Variants in TIGD5 observed in about 807,000 individuals in gnomAD.
TIGD5 encodes the protein tigger transposable element-derived protein 5.
TIGD5 carries 24 observed loss-of-function variants against 28.8 expected under a neutral mutation model. That is an observed-to-expected ratio of 0.83 (90% confidence interval 0.60 to 1.17). The LOEUF (loss-of-function observed/expected upper bound fraction) is 1.17. Ranked by LOEUF, TIGD5 falls within the 50% of genes most tolerant of loss-of-function variation. The pLI is 0.00. For missense variants in TIGD5, 922 were observed against 911.4 expected (o/e 1.01, Z -0.15); for synonymous variants, 538 against 430.5 (o/e 1.25, Z -3.09).
chr8:143,598,986 C>G lies in TIGD5; in HGVS notation c.1083C>G (p.Pro361=). 1 of 1,574,170 alleles carries G rather than the reference C, an allele frequency of 6.4e-7. No individual in the cohort carries two copies. Among genetic ancestry groups the G allele is most frequent in the Non-Finnish European group, 8.6e-7 (1 of 1,167,608 alleles). The change falls in exon 1 of 1, where the codon CCC becomes CCG. Residue 361 remains proline, a synonymous_variant. Transcript: ENST00000504548. This position sits in a 1 kb window ranked among gnomAD's most constrained non-coding sequence, Gnocchi z 6.6. ...CCGTGCTGCTGGTGGCCCACCCGCC[C>G]TGCCCAAGCCCAGCTGCCAGTATGC... ...QKAVLLVAHP[P]CPSPAASMPA...
chr8:143,598,686 C>T lies in TIGD5; in HGVS notation c.783C>T (p.Pro261=). The T allele has an allele frequency of 6.7e-7, 1 of 1,500,850 alleles. No individual in the cohort carries two copies. The highest frequency in any genetic ancestry group is 8.8e-7 in the Non-Finnish European group (1 of 1,135,706). 93.0% of individuals were successfully genotyped at this position (1,500,850 alleles called of 1,614,324 possible). A position where few individuals can be genotyped will look rare whatever the true frequency, so the allele number is the denominator to read the frequency against. ...CTGCGCCCCCGGGCGCAGGGGACCC[C>T]GGGGCGGGGGGCTGTGGCCGGCGCT... The part of the protein sequence containing the change: ...EQAAPPGAGD[P]GAGGCGRRWR... The change falls in exon 1 of 1, where the codon CCC becomes CCT. Residue 261 remains proline (P), a synonymous_variant. Transcript: ENST00000504548. This position sits in a 1 kb window ranked among gnomAD's most constrained non-coding sequence, Gnocchi z 6.6.
Position 143,599,332 on chromosome 8 carries a change from T to G in TIGD5, c.1429T>G (p.Trp477Gly). 1 of 1,597,262 alleles carries G rather than the reference T, an allele frequency of 6.3e-7. No individual in the cohort carries two copies. The highest frequency in any genetic ancestry group is 8.5e-7 in the Non-Finnish European group (1 of 1,172,988). ...GCAGGCGGGCAGCATTGAGCGCTGC[T>G]GGCTGCTGGGCCTGCGGGCTGCCTT... ...LVQAGSIERC[W>G]LLGLRAAFEP... The change falls in exon 1 of 1, where the codon TGG (tryptophan) becomes GGG (glycine). Residue 477 changes from tryptophan to glycine, a missense_variant. Trp to Gly is a radical substitution (Grantham distance 184). Transcript: ENST00000504548.
chr8:143,597,889 C>T lies in TIGD5; in HGVS notation c.-15C>T, dbSNP rs1002290547. ...TCCCGCGACCCGCGCGGCCCGGGTC[C>T]CCCCCGCCGCAGCCATGTACCCCGC... On this transcript the variant is annotated 5_prime_UTR_variant, in exon 1 of 1. Transcript: ENST00000504548. 1 of 832,592 alleles carries T rather than the reference C, an allele frequency of 1.2e-6. No homozygotes were observed. The highest frequency in any genetic ancestry group is 1.4e-6 in the Non-Finnish European group (1 of 693,098). 51.6% of individuals were successfully genotyped at this position (832,592 alleles called of 1,614,324 possible). A position where few individuals can be genotyped will look rare whatever the true frequency, so the allele number is the denominator to read the frequency against.
chr8:143,599,138 A>G lies in TIGD5; in HGVS notation c.1235A>G (p.His412Arg), dbSNP rs1217318161. ...LFLSKGSSRAHIPAPLEQGVV... is the reference protein window; with the variant it reads ...LFLSKGSSRARIPAPLEQGVV... ...CTGTCCAAAGGCAGCAGCCGGGCAC[A>G]TATCCCCGCACCGCTGGAGCAGGGC... The change falls in exon 1 of 1, where the codon CAT becomes CGT. Residue 412 changes from histidine (H) to arginine (R), a missense_variant. His to Arg is a conservative substitution (Grantham distance 29). Around this residue, in one of 3 missense-constraint regions of TIGD5, gnomAD observed 821 missense variants for 815.2 expected, o/e 1.01. Coordinates refer to ENST00000504548, the MANE Select transcript of TIGD5 (RefSeq NM_032862.5). 3 of 1,597,934 alleles carry G rather than the reference A, an allele frequency of 1.9e-6. No individual in the cohort carries two copies. Among genetic ancestry groups the G allele is most frequent in the Non-Finnish European group, 2.6e-6 (3 of 1,173,344 alleles).
Position 143,599,269 on chromosome 8 carries a change from G to A in TIGD5, c.1366G>A (p.Asp456Asn). 6.2e-7 allele frequency: 1 copy of A among 1,611,358 alleles called. No homozygotes were observed. Among genetic ancestry groups the A allele is most frequent in the Non-Finnish European group, 8.5e-7 (1 of 1,179,452 alleles). Residue 456 changes from aspartate to asparagine, a missense_variant, in exon 1 of 1, where the codon GAC (aspartate) becomes AAC (asparagine). Around this residue, in one of 3 missense-constraint regions of TIGD5, gnomAD observed 821 missense variants for 815.2 expected, o/e 1.01. Coordinates refer to ENST00000504548, the MANE Select transcript of TIGD5 (RefSeq NM_032862.5). ...CTTCATGCGCAGCTTCATGCTCAAG[G>A]ACATGCTCTACCTGGCTGGCCTCTC... is the stretch of plus-strand genomic sequence containing the variant. ...LDFMRSFMLK[D>N]MLYLAGLSWD...
chr8:143,599,786 TG>T lies in TIGD5; in HGVS notation c.1889del (p.Gly630AlafsTer161). 1 of 1,484,412 alleles carries T rather than the reference TG, an allele frequency of 6.7e-7. No individual in the cohort carries two copies. The highest frequency in any genetic ancestry group is 8.9e-7 in the Non-Finnish European group (1 of 1,126,106). 92.0% of individuals were successfully genotyped at this position (1,484,412 alleles called of 1,614,324 possible). ...LRSLISMARRLGGIGHTPAGP... is the reference protein window; with the variant it reads ...LRSLISMARRXGGIGHTPAGP... ...TCACTCATCAGCATGGCCCGGAGGC[TG>T]GGGGGCATCGGGCATACCCCAGCAG... On this transcript the variant is annotated frameshift_variant, in exon 1 of 1. Transcript: ENST00000504548. LOFTEE classifies it low-confidence loss of function (END_TRUNC).
chr8:143,598,203 G>C lies in TIGD5; in HGVS notation c.300G>C (p.Trp100Cys). The change falls in exon 1 of 1, where the codon TGG becomes TGC. Residue 100 changes from tryptophan to cysteine, a missense_variant. Trp to Cys is a radical substitution (Grantham distance 215, BLOSUM62 -2). This residue lies in a region of TIGD5 where 821 missense variants were observed against 815.2 expected (regional missense o/e 1.01). Coordinates refer to ENST00000504548, the MANE Select transcript of TIGD5 (RefSeq NM_032862.5). The surrounding 1 kb of genome is among the most constrained non-coding windows in gnomAD (Gnocchi z 6.6). ...GWLKDEPKLR[W>C]FLEQLGGEVG... ...TCAAGGACGAGCCCAAGCTGCGCTG[G>C]TTCCTGGAGCAGCTGGGCGGTGAGG... 3.1e-6 allele frequency: 5 copies of C among 1,607,474 alleles called. No individual in the cohort carries two copies. The highest frequency in any genetic ancestry group is 4.2e-6 in the Non-Finnish European group (5 of 1,177,824).
rs1317651500 is a variant in TIGD5, at chr8:143,599,132, G to A, written c.1229G>A (p.Arg410Gln). The stretch of plus-strand genomic sequence containing the variant: ...CTGTTCCTGTCCAAAGGCAGCAGCC[G>A]GGCACATATCCCCGCACCGCTGGAG... ...RVLFLSKGSS[R>Q]AHIPAPLEQG... is the part of the protein sequence containing the mutation. Residue 410 changes from arginine to glutamine, a missense_variant, in exon 1 of 1, where the codon CGG becomes CAG. Transcript: ENST00000504548. The A allele has an allele frequency of 6.3e-7, 1 of 1,595,142 alleles. No individual in the cohort carries two copies. Among genetic ancestry groups the A allele is most frequent in the Admixed American group, 1.7e-5 (1 of 57,888 alleles).
Position 143,598,845 on chromosome 8 carries a change from C to G in TIGD5, c.942C>G (p.Ser314=), listed in dbSNP as rs373464185. 6.2e-7 allele frequency: 1 copy of G among 1,600,934 alleles called. No individual in the cohort carries two copies. The highest frequency in any genetic ancestry group is 8.5e-7 in the Non-Finnish European group (1 of 1,179,620). Residue 314 remains serine (S), a synonymous_variant, in exon 1 of 1, where the codon TCC becomes TCG. Transcript: ENST00000504548. The surrounding 1 kb of genome is among the most constrained non-coding windows in gnomAD (Gnocchi z 6.6). Reference sequence around the variant, plus strand: ...ACAACCAGGACAAGTTCCCGGCCTCCTACCGCTACAGCCCCGACGCCTGGC... The same window carrying G: ...ACAACCAGGACAAGTTCCCGGCCTCGTACCGCTACAGCCCCGACGCCTGGC... ...RHHNQDKFPA[S]YRYSPDAWLS...
Position 143,599,720 on chromosome 8 carries a change from AC to A in TIGD5, c.1821del (p.Arg608GlufsTer6). 1 of 1,505,978 alleles carries A rather than the reference AC, an allele frequency of 6.6e-7. No individual in the cohort carries two copies. The allele number at this position is 1,505,978 out of a possible 1,614,324, so 93.3% of individuals were successfully genotyped here. A position where few individuals can be genotyped will look rare whatever the true frequency, so the allele number is the denominator to read the frequency against. On this transcript the variant is annotated frameshift_variant, in exon 1 of 1. Coordinates refer to ENST00000504548, the MANE Select transcript of TIGD5 (RefSeq NM_032862.5). LOFTEE classifies it high-confidence loss of function. ...GCTCTGCGGTGGCTGGAGAACCAGG[AC>A]CCCAGAGAGGTGGGGCCACTGAGGC... ...ETALRWLENQDPREVGPLRLV... is the reference protein window; with the variant it reads ...ETALRWLENQXPREVGPLRLV...
Position 143,598,424 on chromosome 8 carries a change from G to A in TIGD5, c.521G>A (p.Arg174His). Residue 174 changes from arginine (R) to histidine (H), a missense_variant, in exon 1 of 1, where the codon CGC (arginine) becomes CAC (histidine). By Grantham distance (29) the Arg-to-His change is conservative. Around this residue, in one of 3 missense-constraint regions of TIGD5, gnomAD observed 821 missense variants for 815.2 expected, o/e 1.01. Coordinates refer to ENST00000504548, the MANE Select transcript of TIGD5 (RefSeq NM_032862.5). The surrounding 1 kb of genome is among the most constrained non-coding windows in gnomAD (Gnocchi z 6.6). Reference protein sequence around the residue: ...TFKASHGWFWRWQKRHGISSQ... With the variant: ...TFKASHGWFWHWQKRHGISSQ... The stretch of plus-strand genomic sequence containing the variant: ...AAGGCCAGCCACGGCTGGTTCTGGC[G>A]CTGGCAGAAGCGCCACGGCATCTCC... The A allele has an allele frequency of 2.0e-6, 3 of 1,503,618 alleles. No homozygotes were observed. The highest frequency in any genetic ancestry group is 2.7e-6 in the Non-Finnish European group (3 of 1,129,442). 93.1% of individuals were successfully genotyped at this position (1,503,618 alleles called of 1,614,324 possible). A position where few individuals can be genotyped will look rare whatever the true frequency, so the allele number is the denominator to read the frequency against.
In TIGD5 at chr8:143,597,963, C is replaced by A; in HGVS notation, c.60C>A (p.Pro20=). ...PVPRRGRRPL[P]GPPAPAPAPV... ...CGCGCCGCGGCCGCCGTCCCCTGCC[C>A]GGGCCCCCCGCGCCCGCCCCAGCCC... Residue 20 remains proline (P), a synonymous_variant, in exon 1 of 1, where the codon CCC becomes CCA. Transcript: ENST00000504548. 3.3e-6 allele frequency: 3 copies of A among 898,232 alleles called. No homozygotes were observed. Among genetic ancestry groups the A allele is most frequent in the Non-Finnish European group, 4.0e-6 (3 of 751,932 alleles). The allele number at this position is 898,232 out of a possible 1,614,324, so 55.6% of individuals were successfully genotyped here.
In TIGD5 at chr8:143,598,976, C is replaced by T. The variant is rs747424833; in HGVS notation, c.1073C>T (p.Ala358Val). 1 of 1,474,482 alleles carries T rather than the reference C, an allele frequency of 6.8e-7. No homozygotes were observed. 91.3% of individuals were successfully genotyped at this position (1,474,482 alleles called of 1,614,324 possible). A position where few individuals can be genotyped will look rare whatever the true frequency, so the allele number is the denominator to read the frequency against. Residue 358 changes from alanine (A) to valine (V), a missense_variant, in exon 1 of 1, where the codon GCC (alanine) becomes GTC (valine). Transcript: ENST00000504548. The surrounding 1 kb of genome is among the most constrained non-coding windows in gnomAD (Gnocchi z 6.6). ...CAGCAGAAGGCCGTGCTGCTGGTGG[C>T]CCACCCGCCCTGCCCAAGCCCAGCT... ...CLQQKAVLLV[A>V]HPPCPSPAAS...
Position 143,599,365 on chromosome 8 carries a change from CG to C in TIGD5, c.1464del (p.Gly490AlafsTer106). ...GGGCCTGCGGGCTGCCTTCGAGCCCCGGCCCGGCGAGGACAGTGCTGGGCAG... is the reference window on the plus strand; with the variant it reads ...GGGCCTGCGGGCTGCCTTCGAGCCCCGCCCGGCGAGGACAGTGCTGGGCAG... ...LLGLRAAFEP[R>X]PGEDSAGQPA... On this transcript the variant is annotated frameshift_variant, in exon 1 of 1. Transcript: ENST00000504548. LOFTEE classifies it high-confidence loss of function. The C allele has an allele frequency of 6.3e-7, 1 of 1,574,818 alleles. No individual in the cohort carries two copies. Among genetic ancestry groups the C allele is most frequent in the Non-Finnish European group, 8.6e-7 (1 of 1,161,518 alleles).
chr8:143,600,923 T>C lies in TIGD5; in HGVS notation c.*1091T>C, dbSNP rs971843179. On this transcript the variant is annotated 3_prime_UTR_variant, in exon 1 of 1. Coordinates refer to ENST00000504548, the MANE Select transcript of TIGD5 (RefSeq NM_032862.5). ...GATGCCCATGCCTCCTCAGGTAGGG[T>C]GGGAACTGCCTTTGCAGAGATGCTG... The C allele has an allele frequency of 1.3e-5, 2 of 152,524 alleles. No homozygotes were observed. The highest frequency in any genetic ancestry group is 2.4e-5 in the African/African-American group (1 of 41,432). 9.4% of individuals were successfully genotyped at this position (152,524 alleles called of 1,614,324 possible).
rs1564007464 is a variant in TIGD5, at chr8:143,599,183, A to G, written c.1280A>G (p.Gln427Arg). ...LEQGVVAAFK[Q>R]LYKRELLRLA... is the part of the protein sequence containing the mutation. ...CAGGGCGTGGTGGCCGCCTTCAAAC[A>G]GCTGTACAAGCGCGAGCTGCTGCGA... The change falls in exon 1 of 1, where the codon CAG becomes CGG. Residue 427 changes from glutamine (Q) to arginine (R), a missense_variant. Physicochemically the swap from Gln to Arg is conservative, Grantham distance 43. Transcript: ENST00000504548. 1.9e-6 allele frequency: 3 copies of G among 1,610,716 alleles called. No individual in the cohort carries two copies. The highest frequency in any genetic ancestry group is 2.5e-6 in the Non-Finnish European group (3 of 1,179,386).
In TIGD5 at chr8:143,598,575, G is replaced by C; in HGVS notation, c.672G>C (p.Pro224=). The part of the protein sequence containing the change: ...GPLPDRAPAP[P]PPAEGGYGDE... ...TGCCCGACCGCGCCCCGGCCCCGCC[G>C]CCCCCGGCCGAGGGCGGCTACGGGG... Residue 224 remains proline (P), a synonymous_variant, in exon 1 of 1, where the codon CCG becomes CCC. Transcript: ENST00000504548. The surrounding 1 kb of genome is among the most constrained non-coding windows in gnomAD (Gnocchi z 6.6). 3.8e-6 allele frequency: 5 copies of C among 1,318,250 alleles called. No homozygotes were observed. The highest frequency in any genetic ancestry group is 3.9e-5 in the South Asian group (2 of 51,466). The allele number at this position is 1,318,250 out of a possible 1,614,324, so 81.7% of individuals were successfully genotyped here.
At position 143,597,901 on chromosome 8, in the gene TIGD5, G is replaced by C. The variant is rs1020600369; in HGVS notation, c.-3G>C. ...CGCGGCCCGGGTCCCCCCCGCCGCAGCCATGTACCCCGCGGGCCCCCCGGC... is the reference window on the plus strand; with the variant it reads ...CGCGGCCCGGGTCCCCCCCGCCGCACCCATGTACCCCGCGGGCCCCCCGGC... On this transcript the variant is annotated 5_prime_UTR_variant, in exon 1 of 1. Coordinates refer to ENST00000504548, the MANE Select transcript of TIGD5 (RefSeq NM_032862.5). 1.2e-6 allele frequency: 1 copy of C among 865,762 alleles called. No homozygotes were observed. The highest frequency in any genetic ancestry group is 1.4e-6 in the Non-Finnish European group (1 of 723,954). 53.6% of individuals were successfully genotyped at this position (865,762 alleles called of 1,614,324 possible).
rs1347934953 is a variant in TIGD5, at chr8:143,601,873, T to C, written c.*2041T>C. 1 of 152,062 alleles carries C rather than the reference T, an allele frequency of 6.6e-6. No homozygotes were observed. Among genetic ancestry groups the C allele is most frequent in the Non-Finnish European group, 1.5e-5 (1 of 67,992 alleles). The allele number at this position is 152,062 out of a possible 1,614,324, so 9.4% of individuals were successfully genotyped here. On this transcript the variant is annotated 3_prime_UTR_variant, in exon 1 of 1. Transcript: ENST00000504548. ...ACTTTGGGAGGCTGAGGCGGGTGGA[T>C]CACCTGAGATTGGGAGTTCGAGACC...
Sources: gnomAD v4.1 joint callset for allele counts on GRCh38, gnomAD v4.1.1 for gene constraint, gnomAD v4.1.1 regional missense constraint, Gnocchi (gnomAD v3.1) non-coding constraint, MANE v1.5 for transcripts, NCBI Gene and HGNC (gene_info 2026-07-23, HGNC 2026-07-21) for gene names.